GARRE1: variants seen among roughly 807,000 people sequenced by gnomAD.
GARRE1 encodes the protein granule associated Rac and RHOG effector protein 1.
GARRE1 carries 49 observed loss-of-function variants against 103.2 expected under a neutral mutation model. The ratio of observed to expected loss-of-function variants is 0.47; its 90% CI spans 0.38 to 0.60. The LOEUF (loss-of-function observed/expected upper bound fraction) is 0.60. Among genes scored for constraint, GARRE1 ranks in the 20% least tolerant of loss-of-function variants. GARRE1 has a pLI of 0.00. For synonymous variants in GARRE1, 505 were observed against 532.8 expected, an observed-to-expected ratio of 0.95 and a Z score of 0.72; for missense variants, 1,199 against 1,370.5, an observed-to-expected ratio of 0.87 and a Z score of 1.98.
At chr19:34,321,187 G>A (rs2074086754) in intron 3 of GARRE1, among the ~76,000 whole-genome samples, 1 of 144,850 alleles carries the variant, frequency 6.9e-6, no homozygotes, top group East Asian at 2.0e-4. Context: ...CTCCCGAGTA[G>A]CTGGGACTAC....
At chr19:34,319,851 C>A in intron 2 of GARRE1, 56 bp from the exon 3 acceptor site, 1 of 1,488,426 alleles carries the variant, frequency 6.7e-7, no homozygotes. Context: ...AAATTTACTG[C>A]GCGAATCCAA....
Position 34,342,329 on chromosome 19 carries a change from G to C in GARRE1, c.2395G>C (p.Asp799His). The change falls in exon 10 of 14, where the codon GAT becomes CAT. Residue 799 changes from aspartate (D) to histidine (H), a missense_variant. Coordinates refer to ENST00000299505, the MANE Select transcript of GARRE1 (RefSeq NM_014686.5). Reference protein sequence around the residue: ...YSLGLVSSYMDNVMSEVLGQK... With the variant: ...YSLGLVSSYMHNVMSEVLGQK... ...CTTGGGTCTGGTGAGCAGCTATATGGATAATGTGATGTCAGAGGTTCTGGG... is the reference window on the plus strand; with the variant it reads ...CTTGGGTCTGGTGAGCAGCTATATGCATAATGTGATGTCAGAGGTTCTGGG... The C allele has an allele frequency of 6.2e-7, 1 of 1,614,168 alleles. No individual in the cohort carries two copies. Among genetic ancestry groups the C allele is most frequent in the Non-Finnish European group, 8.5e-7 (1 of 1,180,036 alleles).
intron 2 of GARRE1, among the ~76,000 whole-genome samples, chr19:34,302,762 A>G (rs1239185110): frequency 1.4e-5 from 2 of 145,240 alleles, no homozygotes; most frequent in African/African-American, 5.2e-5. Flanking sequence ...TTTTTTTTTA[A>G]AAGACAGAGT....
intron 2 of GARRE1, among the ~76,000 whole-genome samples, chr19:34,304,512 A>G (rs1388290455): frequency 6.6e-6 from 1 of 150,392 alleles, no homozygotes; most frequent in East Asian, 2.0e-4. Flanking sequence ...AGTAGCTGGG[A>G]CTGCAGGCAC....
chr19:34,345,841 TAAATG>T (rs1338250507), intron 10 of GARRE1, among the ~76,000 whole-genome samples: 3 of 152,224 alleles, frequency 2.0e-5, no homozygotes, highest in African/African-American at 4.8e-5. Flanking sequence ...TTATTTTTAA[TAAATG>T]AATAAGAATG....
At chr19:34,339,057 C>T (rs995218462) in intron 8 of GARRE1, among the ~76,000 whole-genome samples, 3 of 152,138 alleles carry the variant, frequency 2.0e-5, no homozygotes, top group African/African-American at 7.2e-5. Flanking sequence ...GGATTGCATG[C>T]AAGATGTGAG....
intron 1 of GARRE1, among the ~76,000 whole-genome samples, chr19:34,255,395 G>A (rs1385891691): frequency 6.6e-6 from 1 of 152,112 alleles, no homozygotes; most frequent in Non-Finnish European, 1.5e-5. Flanking sequence ...ACCTTGTTCT[G>A]GTCCCTCATC....
intron 1 of GARRE1, among the ~76,000 whole-genome samples, chr19:34,294,670 C>T (rs2073937588): frequency 6.6e-6 from 1 of 152,012 alleles, no homozygotes; most frequent in Non-Finnish European, 1.5e-5. Context: ...TGTTTCTTTG[C>T]ATATCTTCCA....
intron 1 of GARRE1, among the ~76,000 whole-genome samples, chr19:34,284,979 C>G (rs1006727600): frequency 1.3e-5 from 2 of 152,128 alleles, no homozygotes; most frequent in African/African-American, 4.8e-5. Flanking sequence ...ATCATCTGAG[C>G]CCAGGAGGCA....
chr19:34,347,813 C>A, intron 10 of GARRE1, 64 bp from the exon 11 acceptor site: 1 of 1,402,552 alleles, frequency 7.1e-7, no homozygotes, highest in Non-Finnish European at 9.6e-7. Flanking sequence ...GTTAGCAAAG[C>A]GTAGGGAAGG....
intron 1 of GARRE1, among the ~76,000 whole-genome samples, chr19:34,260,933 T>C (rs2073713708): frequency 6.6e-6 from 1 of 152,092 alleles, no homozygotes; most frequent in South Asian, 2.1e-4. Flanking sequence ...TGTCTGGAAA[T>C]TGGGGTGGCG....
At chr19:34,292,901 G>T (rs1197179631) in intron 1 of GARRE1, among the ~76,000 whole-genome samples, 1 of 152,114 alleles carries the variant, frequency 6.6e-6, no homozygotes, top group Non-Finnish European at 1.5e-5. Context: ...GTAGAAACAG[G>T]GTTTTGCCAT....
At chr19:34,345,783 C>G (rs2074208132) in intron 10 of GARRE1, among the ~76,000 whole-genome samples, 2 of 152,350 alleles carry the variant, frequency 1.3e-5, no homozygotes, top group South Asian at 2.1e-4. Context: ...GATCACGCCA[C>G]TGCACTCCGG....
In GARRE1 at chr19:34,327,517, C is replaced by G. The variant is rs753661647; in HGVS notation, c.802C>G (p.His268Asp). ...TTCTCAAAGTGCAGCAATTCCTGAGCACCAGCTAAAAGAACTGAACATAAA... is the reference window on the plus strand; with the variant it reads ...TTCTCAAAGTGCAGCAATTCCTGAGGACCAGCTAAAAGAACTGAACATAAA... ...FCSQSAAIPE[H>D]QLKELNIKID... Residue 268 changes from histidine (H) to aspartate (D), a missense_variant, in exon 4 of 14, where the codon CAC (histidine) becomes GAC (aspartate). Coordinates refer to ENST00000299505, the MANE Select transcript of GARRE1 (RefSeq NM_014686.5). 8 of 1,613,932 alleles carry G rather than the reference C, an allele frequency of 5.0e-6. No homozygotes were observed. Among genetic ancestry groups the G allele is most frequent in the Non-Finnish European group, 6.8e-6 (8 of 1,180,012 alleles).
In GARRE1 at chr19:34,352,612, C is replaced by T. The variant is rs10419442; in HGVS notation, c.2905-35C>T. The T allele has an allele frequency of 6.2e-3, 9,704 of 1,567,944 alleles. 460 individuals carry two copies. In the African/African-American group the frequency reaches 0.11, roughly 18 times the overall value. The stretch of plus-strand genomic sequence containing the variant: ...AGGTGGGAAATGATGATACATTGCC[C>T]GAAATGCCACTAAGAACTCTCTTTT... On this transcript the variant is annotated intron_variant, in intron 13 of 13. Transcript: ENST00000299505.
chr19:34,283,142 C>A (rs1308377052), intron 1 of GARRE1, among the ~76,000 whole-genome samples: 1 of 152,184 alleles, frequency 6.6e-6, no homozygotes, highest in Non-Finnish European at 1.5e-5. Context: ...TTGCCACTCT[C>A]TTTTCTCTGT....
At chr19:34,302,652 T>C (rs1004159286) in intron 2 of GARRE1, among the ~76,000 whole-genome samples, 3 of 151,926 alleles carry the variant, frequency 2.0e-5, no homozygotes, top group Non-Finnish European at 4.4e-5. Flanking sequence ...GTTTATAGAA[T>C]AATTTTTCCA....
At chr19:34,266,890 G>T (rs1233505357) in intron 1 of GARRE1, among the ~76,000 whole-genome samples, 1 of 150,524 alleles carries the variant, frequency 6.6e-6, no homozygotes, top group Non-Finnish European at 1.5e-5. Context: ...ATAAATACTT[G>T]TTTTTTTTTC....
chr19:34,327,443 G>A lies in GARRE1; in HGVS notation c.728G>A (p.Arg243Lys). 2 of 1,614,120 alleles carry A rather than the reference G, an allele frequency of 1.2e-6. No individual in the cohort carries two copies. The highest frequency in any genetic ancestry group is 1.7e-6 in the Non-Finnish European group (2 of 1,180,022). Residue 243 changes from arginine (R) to lysine (K), a missense_variant, in exon 4 of 14, where the codon AGA becomes AAA. Coordinates refer to ENST00000299505, the MANE Select transcript of GARRE1 (RefSeq NM_014686.5). ...CAGGCGACATCTAGACTAAGAGAAA[G>A]AGGCTGTGATGGTTGCCTGGCAGGA... ...AAEATSRLRERGCDGCLAGIE... is the reference protein window; with the variant it reads ...AAEATSRLREKGCDGCLAGIE...
Sources: gnomAD v4.1 joint callset for allele counts (sites outside exome capture counted in the v4.1 genomes callset) on GRCh38, gnomAD v4.1.1 for gene constraint, MANE v1.5 for transcripts, NCBI Gene and HGNC (gene_info 2026-07-23, HGNC 2026-07-21) for gene names.